The following SNX29 variants were observed in gnomAD, a reference collection of about 807,000 sequenced individuals.
The protein encoded by SNX29 is sorting nexin 29, also known as sorting nexin-29.
Under a neutral mutation model 102.1 loss-of-function variants are expected in SNX29, and 78 were observed. The observed-to-expected ratio is 0.76, with a 90% CI of 0.64 to 0.92. The LOEUF is 0.92. Among genes scored for constraint, SNX29 ranks in the 40% least tolerant of loss-of-function variants. The pLI is 0.00. For missense variants in SNX29, 1,280 were observed against 1,061.7 expected (o/e 1.21, Z -2.86); for synonymous variants, 580 against 414.5 (o/e 1.40, Z -4.85).
intron 18 of SNX29, among the ~76,000 whole-genome samples, chr16:12,472,129 C>A (rs1243374810): frequency 6.6e-6 from 1 of 152,174 alleles, no homozygotes; most frequent in Non-Finnish European, 1.5e-5. Context: ...AACATGAGGG[C>A]CATACACAGA....
rs2288422 is a variant in SNX29, at chr16:12,568,471, C to T, written c.2319-35C>T. On this transcript the variant is annotated intron_variant, in intron 20 of 20. Coordinates refer to ENST00000566228, the MANE Select transcript of SNX29 (RefSeq NM_032167.5). Reference sequence around the variant, plus strand: ...GCCTGTGGTCATTTGCTTTTCATCCCCAGACTTAACCCGATTCTCTCCCTG... The same window carrying T: ...GCCTGTGGTCATTTGCTTTTCATCCTCAGACTTAACCCGATTCTCTCCCTG... 5.5e-4 allele frequency: 887 copies of T among 1,605,138 alleles called. 4 individuals are homozygous for T. The African/African-American group carries it at 9.9e-3, about 18-fold the overall frequency.
intron 4 of SNX29, among the ~76,000 whole-genome samples, chr16:12,041,796 A>G (rs1003864092): frequency 6.6e-6 from 1 of 152,230 alleles, no homozygotes; most frequent in East Asian, 1.9e-4. Context: ...ACACAGTTGC[A>G]TAGACTCTTT....
At chr16:12,216,521 G>A (rs187805812) in intron 14 of SNX29, among the ~76,000 whole-genome samples, 3 of 152,348 alleles carry the variant, frequency 2.0e-5, no homozygotes, top group South Asian at 2.1e-4. Flanking sequence ...TGATGGGCAT[G>A]CAAGCTGACC....
intron 20 of SNX29, among the ~76,000 whole-genome samples, chr16:12,552,522 C>T (rs368385578): frequency 6.6e-6 from 1 of 152,146 alleles, no homozygotes; most frequent in East Asian, 1.9e-4. Flanking sequence ...CCAAATGGGC[C>T]TTCATTTCTC....
chr16:12,180,717 C>T (rs978311954), intron 13 of SNX29, among the ~76,000 whole-genome samples: 6 of 152,192 alleles, frequency 3.9e-5, no homozygotes, highest in East Asian at 1.9e-4. Context: ...GATCTCTTGA[C>T]CTCATGATCC....
At chr16:12,553,959 C>G (rs531192945) in intron 20 of SNX29, among the ~76,000 whole-genome samples, 53 of 152,274 alleles carry the variant, frequency 3.5e-4, no homozygotes, top group Non-Finnish European at 5.3e-4. Context: ...ACCCAAGTAG[C>G]TGGGACTACA....
At chr16:12,554,593 C>CCAAGCCAGAGGAG (rs2078206335) in intron 20 of SNX29, among the ~76,000 whole-genome samples, 1 of 152,184 alleles carries the variant, frequency 6.6e-6, no homozygotes, top group Non-Finnish European at 1.5e-5. Flanking sequence ...CTTGGAGCTC[C>CCAAGCCAGAGGAG]CAAGCCAGAG....
At chr16:12,231,705 C>T (rs564156678) in intron 14 of SNX29, among the ~76,000 whole-genome samples, 5 of 152,220 alleles carry the variant, frequency 3.3e-5, no homozygotes, top group East Asian at 3.9e-4. Flanking sequence ...ACTTCTGTTT[C>T]GGGTTTCCAT....
chr16:12,484,216 A>C (rs2088114729), intron 19 of SNX29, among the ~76,000 whole-genome samples: 1 of 151,976 alleles, frequency 6.6e-6, no homozygotes, highest in Non-Finnish European at 1.5e-5. Context: ...CGGTGCGATC[A>C]TGGCTCACTG....
In SNX29 at chr16:12,129,705, G is replaced by A; in HGVS notation, c.1542G>A (p.Arg514=). ...ALRQEVDTLK[R]KVAEQEERQG... Reference sequence around the variant, plus strand: ...GGCAAGAGGTGGACACCTTGAAAAGGAAGGTGGCTGAACAGGAGGAGCGGC... The same window carrying A: ...GGCAAGAGGTGGACACCTTGAAAAGAAAGGTGGCTGAACAGGAGGAGCGGC... Residue 514 remains arginine (R), a synonymous_variant, in exon 13 of 21, where the codon AGG becomes AGA. Transcript: ENST00000566228. The A allele has an allele frequency of 2.5e-6, 4 of 1,610,974 alleles. No homozygotes were observed. The highest frequency in any genetic ancestry group is 3.4e-6 in the Non-Finnish European group (4 of 1,179,458).
At chr16:12,392,764 A>T (rs1434207727) in intron 16 of SNX29, among the ~76,000 whole-genome samples, 1 of 152,240 alleles carries the variant, frequency 6.6e-6, no homozygotes, top group Non-Finnish European at 1.5e-5. Context: ...GAGAACAAAA[A>T]CAACAACAAA....
intron 11 of SNX29, among the ~76,000 whole-genome samples, chr16:12,108,652 C>T (rs1048743088): frequency 7.9e-5 from 12 of 152,210 alleles, no homozygotes; most frequent in East Asian, 1.9e-4. Flanking sequence ...CCCTGTGCCC[C>T]GATGCCACAG....
intron 1 of SNX29, among the ~76,000 whole-genome samples, chr16:11,997,596 G>C (rs898735869): frequency 6.6e-6 from 1 of 151,372 alleles, no homozygotes; most frequent in Non-Finnish European, 1.5e-5. Flanking sequence ...TTCCACTTCT[G>C]CCTCATGAAC....
chr16:11,991,949 C>T (rs2055871242), intron 1 of SNX29, among the ~76,000 whole-genome samples: 3 of 152,030 alleles, frequency 2.0e-5, no homozygotes, highest in African/African-American at 7.3e-5. Context: ...GTAGTTGTTC[C>T]TTAGAATAGG....
At chr16:12,057,675 A>G (rs1230436705) in intron 8 of SNX29, among the ~76,000 whole-genome samples, 2 of 152,174 alleles carry the variant, frequency 1.3e-5, no homozygotes, top group Non-Finnish European at 2.9e-5. Flanking sequence ...GACGGTTAAC[A>G]GCAGAAGATT....
At chr16:12,126,827 A>G in intron 12 of SNX29, 131 bp downstream of exon 12, 1 of 888,100 alleles carries the variant, frequency 1.1e-6, no homozygotes, top group Non-Finnish European at 1.8e-6. Flanking sequence ...TCTTATCGTC[A>G]GGGATATGCC....
At chr16:12,402,481 C>T (rs1306503358) in intron 17 of SNX29, among the ~76,000 whole-genome samples, 1 of 152,198 alleles carries the variant, frequency 6.6e-6, no homozygotes, top group Non-Finnish European at 1.5e-5. Flanking sequence ...ACCTTACAGC[C>T]CTTCCAGAAT....
chr16:12,283,317 T>C (rs924155948), intron 15 of SNX29, among the ~76,000 whole-genome samples: 1 of 151,718 alleles, frequency 6.6e-6, no homozygotes, highest in Non-Finnish European at 1.5e-5. Context: ...AGTTGTTTTT[T>C]TTTTTTTTCT....
At chr16:12,323,828 G>T (rs1266228180) in intron 15 of SNX29, among the ~76,000 whole-genome samples, 1 of 152,204 alleles carries the variant, frequency 6.6e-6, no homozygotes, top group Non-Finnish European at 1.5e-5. Flanking sequence ...GTTGGGACTA[G>T]ATGGAGCAGT....
Sources: allele counts gnomAD v4.1 joint callset (sites outside exome capture counted in the v4.1 genomes callset), GRCh38; gene constraint gnomAD v4.1.1; transcripts MANE v1.5; gene names NCBI Gene and HGNC (gene_info 2026-07-23, HGNC 2026-07-21).